CDH23: variants seen among roughly 807,000 people sequenced by gnomAD.
CDH23 encodes cadherin-23.
CDH23 carries 189 observed loss-of-function variants against 317.1 expected under a neutral mutation model. That is an observed-to-expected ratio of 0.60 (90% CI 0.53 to 0.67). The LOEUF is 0.67. CDH23 is among the 30% of genes least tolerant of loss of function. The pLI is 0.00. For missense variants in CDH23, 4,401 were observed against 4,592.4 expected (o/e 0.96, Z 1.20); for synonymous variants, 1,839 against 1,876.8 (o/e 0.98, Z 0.52).
chr10:71,730,695 A>G, intron 31 of CDH23, 91 bp downstream of exon 31: 1 of 1,546,538 alleles, frequency 6.5e-7, no homozygotes, highest in South Asian at 1.2e-5. Flanking sequence ...GTCATCCCTG[A>G]TGCTTCAGGC....
chr10:71,408,427 C>G (rs953120518), intron 1 of CDH23, among the ~76,000 whole-genome samples: 1 of 152,190 alleles, frequency 6.6e-6, no homozygotes, highest in African/African-American at 2.4e-5. Flanking sequence ...ATATCAGCAT[C>G]TCGTGCCTGA....
intron 3 of CDH23, among the ~76,000 whole-genome samples, chr10:71,494,081 G>C (rs1001334039): frequency 7.2e-5 from 11 of 152,144 alleles, no homozygotes; most frequent in African/African-American, 2.7e-4. Flanking sequence ...TTTGTGAGCA[G>C]CAGAAGCTGT....
chr10:71,417,599 C>T (rs1848589512), intron 1 of CDH23, among the ~76,000 whole-genome samples: 1 of 152,074 alleles, frequency 6.6e-6, no homozygotes, highest in Admixed American at 6.6e-5. Flanking sequence ...GCTATTTTAT[C>T]ACTTTCTCAT....
intron 14 of CDH23, 123 bp from the exon 15 acceptor site, chr10:71,674,989 G>A: frequency 6.0e-6 from 5 of 827,214 alleles, no homozygotes; most frequent in Non-Finnish European, 8.1e-6. Context: ...GCCTCACTGG[G>A]GTCTGGGCCT....
chr10:71,628,461 T>C lies in CDH23; in HGVS notation c.1134+11068T>C, dbSNP rs1861851860. 1.3e-5 allele frequency among the ~76,000 whole-genome samples: 2 copies of C among 152,174 alleles called. 1 individual carries two copies. Among genetic ancestry groups the C allele is most frequent in the South Asian group, 4.1e-4 (2 of 4,822 alleles). On this transcript the variant is annotated intron_variant, in intron 11 of 69. Coordinates refer to ENST00000224721, the MANE Select transcript of CDH23 (RefSeq NM_022124.6). ...TCCTCTCCAGGCCTCAGTTTCTCCA[T>C]CTGTTAAAAAGGAATTCATATCAAA...
Position 71,511,146 on chromosome 10 carries a change from G to T in CDH23, c.363G>T (p.Gln121His). The change falls in exon 6 of 70, where the codon CAG (glutamine) becomes CAT (histidine). Residue 121 changes from glutamine (Q) to histidine (H), a missense_variant. Coordinates refer to ENST00000224721, the MANE Select transcript of CDH23 (RefSeq NM_022124.6). The part of the protein sequence containing the change: ...QGVITRKVNI[Q>H]VGDVNDNAPT... ...TGATCACACGGAAGGTGAACATCCA[G>T]GTTGGGGATGTGAATGACAACGCGC... 6.2e-7 allele frequency: 1 copy of T among 1,613,624 alleles called. No individual in the cohort carries two copies. Among genetic ancestry groups the T allele is most frequent in the Non-Finnish European group, 8.5e-7 (1 of 1,179,628 alleles).
At chr10:71,750,958 T>C in intron 38 of CDH23, 1 of 378,842 alleles carries the variant, frequency 2.6e-6, no homozygotes, top group Non-Finnish European at 4.8e-6. Flanking sequence ...GGCTGGACGT[T>C]CTGAGACTTC....
intron 41 of CDH23, among the ~76,000 whole-genome samples, chr10:71,782,481 G>A (rs1456667109): frequency 6.6e-6 from 1 of 152,254 alleles, no homozygotes; most frequent in African/African-American, 2.4e-5. Context: ...AAGTCCAGAT[G>A]CAGACCTAGA....
At chr10:71,573,332 C>T (rs373366514) in intron 8 of CDH23, among the ~76,000 whole-genome samples, 2 of 152,030 alleles carry the variant, frequency 1.3e-5, no homozygotes, top group African/African-American at 4.8e-5. Flanking sequence ...TTTAGTATAT[C>T]GTGCAATGCT....
rs748338206 is a variant in CDH23, at chr10:71,425,232, GGAGAGAGAGAGAGAGA to G, written c.-5-14573_-5-14558del. On this transcript the variant is annotated intron_variant, in intron 1 of 69. Coordinates refer to ENST00000224721, the MANE Select transcript of CDH23 (RefSeq NM_022124.6). ...ATCACAGTGGGGCAGAGAGAGAGAG[GGAGAGAGAGAGAGAGA>G]GAGAGAGAGAGAGAGAGAGAGGAAG... Among the ~76,000 whole-genome samples, 15 of 73,928 alleles carry G rather than the reference GGAGAGAGAGAGAGAGA, an allele frequency of 2.0e-4. No homozygotes were observed. In the South Asian group the frequency reaches 3.2e-3, roughly 16 times the overall value. 48.5% of individuals were successfully genotyped at this position (73,928 alleles called of 152,430 possible).
intron 11 of CDH23, among the ~76,000 whole-genome samples, chr10:71,643,106 A>G (rs1420009542): frequency 6.6e-6 from 1 of 152,236 alleles, no homozygotes; most frequent in African/African-American, 2.4e-5. Context: ...CATCATCTAT[A>G]TGCACAGTTA....
intron 6 of CDH23, among the ~76,000 whole-genome samples, chr10:71,538,182 C>A (rs939972168): frequency 6.6e-6 from 1 of 152,212 alleles, no homozygotes; most frequent in Non-Finnish European, 1.5e-5. Context: ...TCAGGAAGAA[C>A]AACTACGAAA....
chr10:71,427,221 GAAA>G (rs1564572879), intron 1 of CDH23, among the ~76,000 whole-genome samples: 1 of 72,132 alleles, frequency 1.4e-5, no homozygotes, highest in Non-Finnish European at 2.9e-5. Context: ...AAGAAAGAAA[GAAA>G]GAAAGAAAGA....
chr10:71,814,925 G>A (rs1842078770), intron 69 of CDH23, 27 bp from the exon 70 acceptor site: 2 of 1,585,136 alleles, frequency 1.3e-6, no homozygotes, highest in Non-Finnish European at 1.7e-6. Flanking sequence ...ATGGCCCTGA[G>A]CATGTGGGGG....
intron 27 of CDH23, among the ~76,000 whole-genome samples, chr10:71,711,172 G>C (rs1865955877): frequency 1.3e-5 from 2 of 152,056 alleles, no homozygotes; most frequent in South Asian, 4.1e-4. Flanking sequence ...TATCACCCCT[G>C]AGTCCAGCCC....
chr10:71,512,513 C>T (rs148940938), intron 6 of CDH23, among the ~76,000 whole-genome samples: 1 of 152,226 alleles, frequency 6.6e-6, no homozygotes, highest in Non-Finnish European at 1.5e-5. Flanking sequence ...CCAGCCTGCA[C>T]TCCGGGCCTG....
At chr10:71,495,836 G>A (rs1263407865) in intron 3 of CDH23, among the ~76,000 whole-genome samples, 1 of 150,528 alleles carries the variant, frequency 6.6e-6, no homozygotes, top group Non-Finnish European at 1.5e-5. Flanking sequence ...AAGAAAGAAA[G>A]AAAGAAGGAA....
Position 71,732,390 on chromosome 10 carries a change from G to A in CDH23, c.4104+15G>A, listed in dbSNP as rs1230498326. The stretch of plus-strand genomic sequence containing the variant: ...ACGCCATCACGGTGAGGGGCTGGGG[G>A]CAGGGAGCACCATTTCTTCCAATCT... On this transcript the variant is annotated intron_variant, in intron 32 of 69. Coordinates refer to ENST00000224721, the MANE Select transcript of CDH23 (RefSeq NM_022124.6). 3 of 1,553,978 alleles carry A rather than the reference G, an allele frequency of 1.9e-6. No individual in the cohort carries two copies. The highest frequency in any genetic ancestry group is 2.4e-5 in the East Asian group (1 of 41,036).
intron 38 of CDH23, chr10:71,761,709 G>A (rs760032960): frequency 2.7e-5 from 43 of 1,613,942 alleles, no homozygotes; most frequent in African/African-American, 1.6e-4. Flanking sequence ...GTCAGGTTGC[G>A]CATGGTGATG....
Sources: gnomAD v4.1 joint callset for allele counts (sites outside exome capture counted in the v4.1 genomes callset) on GRCh38, gnomAD v4.1.1 for gene constraint, MANE v1.5 for transcripts, NCBI Gene and HGNC (gene_info 2026-07-23, HGNC 2026-07-21) for gene names.